Variants in FTSJ3 observed in about 807,000 individuals in gnomAD.
FTSJ3 encodes pre-rRNA 2'-O-ribose RNA methyltransferase FTSJ3.
In FTSJ3, 46 loss-of-function variants were observed where a neutral mutation model predicts 111.5. The observed-to-expected ratio is 0.41, with a 90% CI of 0.33 to 0.53. The LOEUF is 0.53. FTSJ3 is among the 20% of genes least tolerant of loss of function. FTSJ3 has a pLI of 0.19. For missense variants in FTSJ3, 1,075 were observed against 1,063.8 expected (o/e 1.01, Z -0.15); for synonymous variants, 408 against 383.0 (o/e 1.07, Z -0.76).
intron 16 of FTSJ3, 53 bp downstream of exon 16, chr17:63,821,301 T>C (rs1045009954): frequency 5.5e-5 from 86 of 1,557,802 alleles, no homozygotes; most frequent in Non-Finnish European, 7.3e-5. Context: ...TTTAGAGAAA[T>C]GGTTCAAGCC....
intron 1 of FTSJ3, 31 bp downstream of exon 1, chr17:63,827,021 A>G: frequency 1.2e-6 from 1 of 865,548 alleles, no homozygotes; most frequent in Non-Finnish European, 1.9e-6. Context: ...TCCCGCAGCA[A>G]TTCCACCCCG....
Position 63,820,454 on chromosome 17 carries a change from A to G in FTSJ3, c.2073-16T>C, listed in dbSNP as rs761201678. ...AAATGTGTACCTGAGTGGAAAGGAC[A>G]TCTGTCTAATATCCAACATTCCAGG... On this transcript the variant is annotated splice_polypyrimidine_tract_variant and intron_variant, in intron 18 of 20. Transcript: ENST00000427159. The G allele has an allele frequency of 4.3e-6, 7 of 1,612,682 alleles. No homozygotes were observed. The highest frequency in any genetic ancestry group is 5.1e-6 in the Non-Finnish European group (6 of 1,178,986).
chr17:63,826,435 G>T, intron 3 of FTSJ3, 131 bp from the exon 4 acceptor site: 2 of 1,175,750 alleles, frequency 1.7e-6, no homozygotes, highest in Non-Finnish European at 2.5e-6. Context: ...CCCTTTCTCT[G>T]CAATCAAGAA....
At chr17:63,825,796 T>C (rs2040093430) in intron 5 of FTSJ3, 161 bp from the exon 6 acceptor site, 1 of 658,076 alleles carries the variant, frequency 1.5e-6, no homozygotes, top group Non-Finnish European at 2.6e-6. Context: ...TCTACCTTCA[T>C]GGAGATTACA....
intron 9 of FTSJ3, 26 bp downstream of exon 9, chr17:63,824,799 C>G (rs2040082744): frequency 1.9e-6 from 3 of 1,607,514 alleles, no homozygotes; most frequent in East Asian, 2.2e-5. Flanking sequence ...GGGGCTACCT[C>G]ATGTCCCTCA....
intron 5 of FTSJ3, 193 bp downstream of exon 5, chr17:63,825,863 A>G: frequency 1.6e-6 from 1 of 635,860 alleles, no homozygotes; most frequent in Admixed American, 2.9e-5. Flanking sequence ...CCTTCTCCCA[A>G]TTCCAAACAC....
chr17:63,824,521 G>C, intron 10 of FTSJ3, 110 bp from the exon 11 acceptor site: 1 of 1,426,052 alleles, frequency 7.0e-7, no homozygotes, highest in Non-Finnish European at 9.9e-7. Flanking sequence ...AAATCAAAAG[G>C]CTCAGGCCCC....
chr17:63,827,213 T>G lies in FTSJ3; in HGVS notation c.-188A>C. 2 of 605,334 alleles carry G rather than the reference T, an allele frequency of 3.3e-6. No homozygotes were observed. Among genetic ancestry groups the G allele is most frequent in the Non-Finnish European group, 5.8e-6 (2 of 342,226 alleles). 37.5% of individuals were successfully genotyped at this position (605,334 alleles called of 1,614,324 possible). On this transcript the variant is annotated 5_prime_UTR_variant, in exon 1 of 21. Transcript: ENST00000427159. ...TACTCTGTCCTTGGGTTTTGTAAGT[T>G]GAAAGTTGAGACTAGGAAGGCATAT...
chr17:63,820,912 C>T lies in FTSJ3; in HGVS notation c.1999G>A (p.Gly667Ser), dbSNP rs763053621. 22 of 1,614,072 alleles carry T rather than the reference C, an allele frequency of 1.4e-5. No homozygotes were observed. The East Asian group carries it at 1.8e-4, about 13-fold the overall frequency. The change falls in exon 18 of 21, where the codon GGC becomes AGC. Residue 667 changes from glycine (G) to serine (S), a missense_variant. Physicochemically the swap from Gly to Ser is moderately conservative, Grantham distance 56 (BLOSUM62 0). This residue lies in a region of FTSJ3 where 867 missense variants were observed against 796.9 expected (regional missense o/e 1.09). Coordinates refer to ENST00000427159, the MANE Select transcript of FTSJ3 (RefSeq NM_017647.4). Reference protein sequence around the residue: ...PAKHRILDPEGLALGAVIASS... With the variant: ...PAKHRILDPESLALGAVIASS... ...GCAATAACAGCACCTAGAGCAAGGC[C>T]TTCGGGGTCCAGTATCCGATGTTTC... is the stretch of plus-strand genomic sequence containing the variant.
In FTSJ3 at chr17:63,827,406, C is replaced by T; in HGVS notation, c.-381G>A. ...CCCATTGACCCGGAATTCTTCTCTG[C>T]CTGGTCTTCAGGTCCCAATCCTCCG... is the stretch of plus-strand genomic sequence containing the variant. On this transcript the variant is annotated 5_prime_UTR_variant, in exon 1 of 21. Transcript: ENST00000427159. 6.5e-7 allele frequency: 1 copy of T among 1,541,622 alleles called. No homozygotes were observed. Among genetic ancestry groups the T allele is most frequent in the Non-Finnish European group, 8.8e-7 (1 of 1,138,112 alleles).
rs758278752 is a variant in FTSJ3 at position 63,821,580 on chromosome 17, A to T, written c.1660T>A (p.Leu554Ile). Residue 554 changes from leucine (L) to isoleucine (I), a missense_variant, in exon 16 of 21, where the codon TTA becomes ATA. Transcript: ENST00000427159. ...EALEISQAQLLFENRRKGRQQ... is the reference protein window; with the variant it reads ...EALEISQAQLIFENRRKGRQQ... ...CGTCCCTTCCGCCGGTTCTCAAATA[A>T]CAGCTGGGCCTGACTGATCTCCAGG... 4.0e-5 allele frequency: 64 copies of T among 1,613,964 alleles called. No individual in the cohort carries two copies. The highest frequency in any genetic ancestry group is 5.3e-5 in the Non-Finnish European group (63 of 1,179,992).
rs755155889 is a variant in FTSJ3, at chr17:63,821,482, C to T, written c.1758G>A (p.Leu586=). ...SCLKTEIMSP[L]YQDEAPKGTE... ...TTCCCTTAGGGGCTTCATCTTGGTA[C>T]AGGGGAGACATTATCTCAGTCTTCA... is the stretch of plus-strand genomic sequence containing the variant. Residue 586 remains leucine, a synonymous_variant, in exon 16 of 21, where the codon CTG becomes CTA. Coordinates refer to ENST00000427159, the MANE Select transcript of FTSJ3 (RefSeq NM_017647.4). 3 of 1,614,216 alleles carry T rather than the reference C, an allele frequency of 1.9e-6. No individual in the cohort carries two copies. The highest frequency in any genetic ancestry group is 2.5e-6 in the Non-Finnish European group (3 of 1,180,052).
At position 63,821,859 on chromosome 17, in the gene FTSJ3, A is replaced by T. The variant is rs760501402; in HGVS notation, c.1476-16T>A. 1.2e-6 allele frequency: 2 copies of T among 1,614,008 alleles called. No individual in the cohort carries two copies. On this transcript the variant is annotated splice_polypyrimidine_tract_variant and intron_variant, in intron 14 of 20. Coordinates refer to ENST00000427159, the MANE Select transcript of FTSJ3 (RefSeq NM_017647.4). ...AAGTCGCATACTGTAGACCCAAAGG[A>T]AAGTAGGGGGCTCAGAGACCCAGAT...
intron 20 of FTSJ3, 42 bp from the exon 21 acceptor site, chr17:63,820,036 T>C (rs2040032325): frequency 6.2e-7 from 1 of 1,613,918 alleles, no homozygotes; most frequent in African/African-American, 1.3e-5. Context: ...TGCTTTCTGC[T>C]GCACTTTTAG....
chr17:63,825,039 A>C lies in FTSJ3; in HGVS notation c.711+9T>G, dbSNP rs753589583. 1 of 1,613,192 alleles carries C rather than the reference A, an allele frequency of 6.2e-7. No homozygotes were observed. ...GGACCCAAGAGTGACCCCATTCCCC[A>C]AAACACACCTTTGGCTTCTTCTTAG... On this transcript the variant is annotated intron_variant, in intron 8 of 20. Coordinates refer to ENST00000427159, the MANE Select transcript of FTSJ3 (RefSeq NM_017647.4).
chr17:63,826,240 G>A lies in FTSJ3; in HGVS notation c.220+18C>T, dbSNP rs1292226034. The A allele has an allele frequency of 1.2e-6, 2 of 1,613,626 alleles. No homozygotes were observed. Among genetic ancestry groups the A allele is most frequent in the East Asian group, 2.2e-5 (1 of 44,892 alleles). ...CACCCACCCCTTAAAACACCAAGGA[G>A]AGCTGTCCGTTACTCACCCACAATA... On this transcript the variant is annotated intron_variant, in intron 4 of 20. Coordinates refer to ENST00000427159, the MANE Select transcript of FTSJ3 (RefSeq NM_017647.4).
intron 19 of FTSJ3, 29 bp from the exon 20 acceptor site, chr17:63,820,202 T>TGGGGGGGGG: frequency 1.9e-6 from 3 of 1,593,184 alleles, no homozygotes; most frequent in Non-Finnish European, 2.6e-6. Flanking sequence ...GGTGACCTCT[T>TGGGGGGGGG]CCCCATCCCC....
At position 63,820,703 on chromosome 17, in the gene FTSJ3, C is replaced by CGCCTGAACCTGGAAGACGG. The variant is rs3833114; in HGVS notation, c.2072+135_2072+136insCCGTCTTCCAGGTTCAGGC. On this transcript the variant is annotated intron_variant, in intron 18 of 20. Transcript: ENST00000427159. The stretch of plus-strand genomic sequence containing the variant: ...CTGACTCAAGCGATTCAAGGAGAAT[C>CGCCTGAACCTGGAAGACGG]AGGCTGCAGTGAGCCAAGATCGTGC... 1.7e-5 allele frequency: 11 copies of CGCCTGAACCTGGAAGACGG among 639,722 alleles called. 1 individual carries two copies. Among genetic ancestry groups the CGCCTGAACCTGGAAGACGG allele is most frequent in the Non-Finnish European group, 2.4e-5 (9 of 368,032 alleles). 39.6% of individuals were successfully genotyped at this position (639,722 alleles called of 1,614,324 possible). A position where few individuals can be genotyped will look rare whatever the true frequency, so the allele number is the denominator to read the frequency against.
At chr17:63,823,725 G>A (rs1294907438) in intron 13 of FTSJ3, 92 bp downstream of exon 13, 54 of 1,435,940 alleles carry the variant, frequency 3.8e-5, no homozygotes, top group East Asian at 3.2e-4. Flanking sequence ...CCTATCGTTC[G>A]GCAACCTAAA....
Sources: allele counts gnomAD v4.1 joint callset, GRCh38; gene constraint gnomAD v4.1.1; regional missense constraint gnomAD v4.1.1; transcripts MANE v1.5; gene names NCBI Gene and HGNC (gene_info 2026-07-23, HGNC 2026-07-21).